FAM118A: variants seen among roughly 807,000 people sequenced by gnomAD.
The protein encoded by FAM118A is protein FAM118A.
A neutral mutation model predicts 38.2 loss-of-function variants in FAM118A; 25 were observed. That is an observed-to-expected ratio of 0.65 (90% CI 0.48 to 0.91). FAM118A has a LOEUF of 0.91. Ranked by LOEUF, FAM118A falls within the 40% of genes least tolerant of loss-of-function variation. FAM118A has a pLI of 0.00. For synonymous variants in FAM118A, 178 were observed against 184.1 expected (o/e 0.97, Z 0.27); for missense variants, 425 against 463.3 (o/e 0.92, Z 0.76).
chr22:45,323,931 G>A (rs1314159992), intron 3 of FAM118A, among the ~76,000 whole-genome samples: 1 of 152,242 alleles, frequency 6.6e-6, no homozygotes, highest in African/African-American at 2.4e-5. Context: ...CCCTGGGGCC[G>A]ATGGGTCTGG....
At chr22:45,309,275 ACATGTGGGCGGC>A, upstream of FAM118A, 1 of 151,936 alleles carries the variant, frequency 6.6e-6, no homozygotes, top group African/African-American at 2.4e-5. Context: ...GCACGCACAA[ACATGTGGGCGGC>A]CATGGTGTGC....
intron 1 of FAM118A, among the ~76,000 whole-genome samples, chr22:45,320,162 C>G (rs2084789740): frequency 6.6e-6 from 1 of 152,100 alleles, no homozygotes; most frequent in Non-Finnish European, 1.5e-5. Context: ...GAAGATTACA[C>G]ATGTGAAAAA....
intron 5 of FAM118A, 94 bp from the exon 6 acceptor site, chr22:45,332,331 C>A: frequency 7.6e-7 from 1 of 1,321,900 alleles, no homozygotes; most frequent in Non-Finnish European, 1.1e-6. Context: ...TGTCAGGGAG[C>A]AGTGATGTAA....
At position 45,340,415 on chromosome 22, in the gene FAM118A, A is replaced by C; in HGVS notation, c.*10A>C. 6.2e-7 allele frequency: 1 copy of C among 1,614,200 alleles called. No homozygotes were observed. The highest frequency in any genetic ancestry group is 8.5e-7 in the Non-Finnish European group (1 of 1,180,024). Reference sequence around the variant, plus strand: ...TGCTGGAGGGTCTTGAAATCTTTACAGTAAAACCTGCAACTTGAAAACTAG... The same window carrying C: ...TGCTGGAGGGTCTTGAAATCTTTACCGTAAAACCTGCAACTTGAAAACTAG... On this transcript the variant is annotated 3_prime_UTR_variant, in exon 9 of 9. Transcript: ENST00000441876.
chr22:45,335,456 AATC>A, intron 7 of FAM118A, 74 bp downstream of exon 7: 1 of 1,538,208 alleles, frequency 6.5e-7, no homozygotes, highest in Non-Finnish European at 9.0e-7. Flanking sequence ...CTAACTGTAA[AATC>A]ATAAACGTTT....
chr22:45,328,664 C>T, intron 4 of FAM118A: 1 of 575,194 alleles, frequency 1.7e-6, no homozygotes, highest in Non-Finnish European at 3.1e-6. Context: ...GAAAGTGGCA[C>T]ACTGGCAACT....
chr22:45,335,275 C>T, intron 6 of FAM118A, 75 bp from the exon 7 acceptor site: 1 of 1,557,728 alleles, frequency 6.4e-7, no homozygotes, highest in Non-Finnish European at 8.8e-7. Context: ...CGTTCCCAGT[C>T]ACTGCCTCAG....
At chr22:45,320,004 G>A (rs1264928978) in intron 1 of FAM118A, among the ~76,000 whole-genome samples, 2 of 152,220 alleles carry the variant, frequency 1.3e-5, no homozygotes, top group Non-Finnish European at 2.9e-5. Flanking sequence ...ATGGACTTAG[G>A]TAGTTGTTTA....
At chr22:45,338,978 G>A (rs2086288620) in intron 8 of FAM118A, among the ~76,000 whole-genome samples, 1 of 152,232 alleles carries the variant, frequency 6.6e-6, no homozygotes, top group Non-Finnish European at 1.5e-5. Flanking sequence ...GCGAGGGCTG[G>A]TGGCAGGGGG....
chr22:45,339,484 T>C (rs1049969305), intron 8 of FAM118A, among the ~76,000 whole-genome samples: 4 of 152,238 alleles, frequency 2.6e-5, no homozygotes, highest in African/African-American at 9.6e-5. Context: ...GATTTTGATA[T>C]TGTTTTGGAT....
chr22:45,335,268 T>G, intron 6 of FAM118A, 82 bp from the exon 7 acceptor site: 4 of 1,536,938 alleles, frequency 2.6e-6, no homozygotes, highest in Non-Finnish European at 3.6e-6. Flanking sequence ...TCCCTGCCGT[T>G]CCCAGTCACT....
At chr22:45,326,824 CAAAAAAA>C (rs36188767) in intron 3 of FAM118A, among the ~76,000 whole-genome samples, 8 of 40,476 alleles carry the variant, frequency 2.0e-4, no homozygotes, top group East Asian at 7.7e-4. Context: ...GACTCTGTCT[CAAAAAAA>C]AAAAAAAAAA....
rs994759165 is a variant in FAM118A at position 45,330,829 on chromosome 22, G to A, written c.651+98G>A. ...TTGAGTGGCTTCCCAGGCTCCAGGC[G>A]TCCGTGCCCTTCAGGTCGGCCCTGC... On this transcript the variant is annotated intron_variant, in intron 5 of 8. Coordinates refer to ENST00000441876, the MANE Select transcript of FAM118A (RefSeq NM_017911.4). 1.3e-5 allele frequency: 17 copies of A among 1,341,548 alleles called. No homozygotes were observed. The African/African-American group carries it at 1.6e-4, about 13-fold the overall frequency. 83.1% of individuals were successfully genotyped at this position (1,341,548 alleles called of 1,614,324 possible). A position where few individuals can be genotyped will look rare whatever the true frequency, so the allele number is the denominator to read the frequency against.
At chr22:45,336,500 C>T (rs944828868) in intron 8 of FAM118A, 89 bp downstream of exon 8, 31 of 992,908 alleles carry the variant, frequency 3.1e-5, no homozygotes, top group Non-Finnish European at 4.2e-5. Flanking sequence ...TTTAATGCCC[C>T]GCGCCCTATG....
At chr22:45,318,788 A>G (rs2084720044) in intron 1 of FAM118A, 1 of 152,220 alleles carries the variant, frequency 6.6e-6, no homozygotes, top group Non-Finnish European at 1.5e-5. Context: ...AAAAGTATGC[A>G]TCAGTATTAA....
At position 45,332,523 on chromosome 22, in the gene FAM118A, C is replaced by T. The variant is rs377185744; in HGVS notation, c.750C>T (p.Ser250=). The T allele has an allele frequency of 2.9e-5, 47 of 1,614,022 alleles. No individual in the cohort carries two copies. The highest frequency in any genetic ancestry group is 2.5e-4 in the Admixed American group (15 of 59,996). Residue 250 remains serine (S), a synonymous_variant, in exon 6 of 9, where the codon TCC becomes TCT. Coordinates refer to ENST00000441876, the MANE Select transcript of FAM118A (RefSeq NM_017911.4). Reference sequence around the variant, plus strand: ...TATTCCAGGCCCTCTTTCTTTACTCCGTGCCGAATAAGGTGGATTTGGAGC... The same window carrying T: ...TATTCCAGGCCCTCTTTCTTTACTCTGTGCCGAATAAGGTGGATTTGGAGC... The part of the protein sequence containing the change: ...DQIFQALFLY[S]VPNKVDLEHY...
At chr22:45,311,003 G>C (rs2084340012) in intron 1 of FAM118A, among the ~76,000 whole-genome samples, 1 of 152,200 alleles carries the variant, frequency 6.6e-6, no homozygotes, top group South Asian at 2.1e-4. Flanking sequence ...TCAGGGCCTA[G>C]GGACCTGGGG....
At chr22:45,331,712 C>T (rs1194702823) in intron 5 of FAM118A, among the ~76,000 whole-genome samples, 1 of 152,210 alleles carries the variant, frequency 6.6e-6, no homozygotes, top group Non-Finnish European at 1.5e-5. Flanking sequence ...AGATGAGTGA[C>T]TGGGCAGATG....
At chr22:45,328,348 A>C (rs2085454738) in intron 4 of FAM118A, 1 of 1,134,520 alleles carries the variant, frequency 8.8e-7, no homozygotes, top group Non-Finnish European at 1.3e-6. Flanking sequence ...GGCCGGCGGC[A>C]GAACAAGCCC....
Sources: allele counts gnomAD v4.1 joint callset (sites outside exome capture counted in the v4.1 genomes callset), GRCh38; gene constraint gnomAD v4.1.1; transcripts MANE v1.5; gene names NCBI Gene and HGNC (gene_info 2026-07-23, HGNC 2026-07-21).